SLA2: variants seen among roughly 807,000 people sequenced by gnomAD.
The protein encoded by SLA2 is Src like adaptor 2, also known as src-like-adapter 2.
Under a neutral mutation model 27.3 loss-of-function variants are expected in SLA2, and 22 were observed. The observed-to-expected ratio is 0.81, with a 90% CI of 0.58 to 1.15. SLA2 has a LOEUF of 1.15. SLA2 is among the 50% of genes most tolerant of loss of function. The pLI is 0.00. For missense variants in SLA2, 304 were observed against 322.2 expected, an observed-to-expected ratio of 0.94 and a Z score of 0.43; for synonymous variants, 131 against 137.8, an observed-to-expected ratio of 0.95 and a Z score of 0.34.
chr20:36,620,170 C>G, intron 5 of SLA2, among the ~76,000 whole-genome samples: 1 of 150,956 alleles, frequency 6.6e-6, no homozygotes, highest in East Asian at 2.0e-4. Flanking sequence ...GCGGGCAGAT[C>G]ACGAGGTCAG....
intron 5 of SLA2, among the ~76,000 whole-genome samples, chr20:36,622,138 A>G (rs1331775811): frequency 6.6e-6 from 1 of 151,058 alleles, no homozygotes; most frequent in Non-Finnish European, 1.5e-5. Flanking sequence ...TGGCCAACCC[A>G]TGGTGGAAGT....
intron 5 of SLA2, chr20:36,621,371 G>A (rs2039280116): frequency 6.7e-6 from 4 of 600,866 alleles, no homozygotes; most frequent in South Asian, 5.6e-5. Context: ...CCCTATGGTG[G>A]TGCTTATGGA....
rs1216371216 is a variant in SLA2 at position 36,613,270 on chromosome 20, G to A, written c.*596C>T. ...GTTGTCCTCAATGGGGGACATTTGA[G>A]GACCTAGACTGTCCGAAGTCTTTCT... On this transcript the variant is annotated 3_prime_UTR_variant, in exon 8 of 8. Transcript: ENST00000262866. The A allele has an allele frequency of 6.6e-6, 1 of 152,282 alleles. No homozygotes were observed. Among genetic ancestry groups the A allele is most frequent in the African/African-American group, 2.4e-5 (1 of 41,446 alleles). The allele number at this position is 152,282 out of a possible 1,614,324, so 9.4% of individuals were successfully genotyped here. A position where few individuals can be genotyped will look rare whatever the true frequency, so the allele number is the denominator to read the frequency against.
At chr20:36,632,171 C>G (rs1011497728) in intron 5 of SLA2, among the ~76,000 whole-genome samples, 1 of 152,098 alleles carries the variant, frequency 6.6e-6, no homozygotes, top group Non-Finnish European at 1.5e-5. Context: ...CTTCTCAGCT[C>G]GGCATCCAAG....
chr20:36,639,306 T>C lies in SLA2; in HGVS notation c.91+1939A>G, dbSNP rs150313859. 7.7e-3 allele frequency among the ~76,000 whole-genome samples: 1,176 copies of C among 152,212 alleles called. 8 individuals carry two copies. The highest frequency in any genetic ancestry group is 0.013 in the Non-Finnish European group (860 of 68,020). On this transcript the variant is annotated intron_variant, in intron 2 of 7. Transcript: ENST00000262866. ...CTGTGGTCAACTCAGGACTGCAGCA[T>C]CAGCTTTTCCCTGGGTCTCCAGTCT... is the stretch of plus-strand genomic sequence containing the variant.
Position 36,612,417 on chromosome 20 carries a change from A to G in SLA2, c.*1449T>C, listed in dbSNP as rs1342402147. ...TCTCCATCGGGTGTAGAGTTTTTAA[A>G]CTATCAATGGCATTTCAAGTCTTCT... On this transcript the variant is annotated 3_prime_UTR_variant, in exon 8 of 8. Transcript: ENST00000262866. 1 of 623,764 alleles carries G rather than the reference A, an allele frequency of 1.6e-6. No individual in the cohort carries two copies. The highest frequency in any genetic ancestry group is 2.8e-6 in the Non-Finnish European group (1 of 356,714). 38.6% of individuals were successfully genotyped at this position (623,764 alleles called of 1,614,324 possible). A position where few individuals can be genotyped will look rare whatever the true frequency, so the allele number is the denominator to read the frequency against.
chr20:36,627,477 A>G (rs1165901536), intron 5 of SLA2, among the ~76,000 whole-genome samples: 1 of 152,220 alleles, frequency 6.6e-6, no homozygotes, highest in Non-Finnish European at 1.5e-5. Flanking sequence ...GACAAAAGCC[A>G]TGACTTAGCA....
At chr20:36,626,357 A>C (rs956699354) in intron 5 of SLA2, among the ~76,000 whole-genome samples, 1 of 151,102 alleles carries the variant, frequency 6.6e-6, no homozygotes, top group Non-Finnish European at 1.5e-5. Context: ...GTGCCACTGC[A>C]CTCCAGCCCA....
intron 2 of SLA2, among the ~76,000 whole-genome samples, chr20:36,637,923 C>G (rs2039469389): frequency 7.1e-6 from 1 of 140,200 alleles, no homozygotes; most frequent in Non-Finnish European, 1.5e-5. Context: ...GAGTCTCACA[C>G]TGTCGCCCGG....
chr20:36,638,079 G>C (rs887676444), intron 2 of SLA2, among the ~76,000 whole-genome samples: 1 of 151,554 alleles, frequency 6.6e-6, no homozygotes, highest in African/African-American at 2.4e-5. Flanking sequence ...TTTTAGTAGA[G>C]ACGGGGTTTC....
intron 5 of SLA2, among the ~76,000 whole-genome samples, chr20:36,629,060 T>C (rs1241444735): frequency 1.3e-5 from 2 of 150,734 alleles, no homozygotes; most frequent in Non-Finnish European, 2.9e-5. Flanking sequence ...CCGGTAATTA[T>C]GAGGATTTTT....
chr20:36,645,240 G>A (rs1478025389), intron 1 of SLA2, among the ~76,000 whole-genome samples: 1 of 143,466 alleles, frequency 7.0e-6, no homozygotes, highest in African/African-American at 2.6e-5. Flanking sequence ...GGTGGTACAT[G>A]CCTGTAGTCT....
chr20:36,641,480 GTGAATGAC>G, intron 1 of SLA2, 102 bp from the exon 2 acceptor site: 1 of 617,542 alleles, frequency 1.6e-6, no homozygotes, highest in South Asian at 1.9e-5. Flanking sequence ...CACAGAGCAT[GTGAATGAC>G]CTCCCTCCTG....
chr20:36,615,495 G>A (rs2039199446), intron 5 of SLA2, 121 bp from the exon 6 acceptor site: 2 of 1,059,714 alleles, frequency 1.9e-6, no homozygotes, highest in African/African-American at 1.6e-5. Context: ...AGTGTCTGGG[G>A]CAGAAGCAGG....
At chr20:36,621,376 T>A (rs1451581091) in intron 5 of SLA2, 1 of 595,038 alleles carries the variant, frequency 1.7e-6, no homozygotes, top group Non-Finnish European at 3.2e-6. Context: ...TGGTGGTGCT[T>A]ATGGATGTGG....
chr20:36,614,960 A>C lies in SLA2; in HGVS notation c.532+265T>G, dbSNP rs530810966. The C allele has an allele frequency of 4.1e-6, 4 of 985,382 alleles. No homozygotes were observed. The African/African-American group carries it at 7.0e-5, about 17-fold the overall frequency. The allele number at this position is 985,382 out of a possible 1,614,324, so 61.0% of individuals were successfully genotyped here. ...TGTGGAGAGAACTCTGCCTGCTGCC[A>C]GGGGCTCTGAGTCAGAACCAGAGTG... On this transcript the variant is annotated intron_variant, in intron 6 of 7. Coordinates refer to ENST00000262866, the MANE Select transcript of SLA2 (RefSeq NM_032214.4).
intron 5 of SLA2, among the ~76,000 whole-genome samples, chr20:36,631,607 C>T (rs978103192): frequency 1.3e-5 from 2 of 152,226 alleles, no homozygotes; most frequent in South Asian, 4.1e-4. Context: ...TCATATCACA[C>T]TTGGCTCTTG....
intron 5 of SLA2, among the ~76,000 whole-genome samples, chr20:36,624,642 T>C (rs1410762637): frequency 2.0e-5 from 3 of 152,138 alleles, no homozygotes. Flanking sequence ...TTACAAGCAG[T>C]TTTAAGGAGA....
At chr20:36,628,698 A>C (rs1195059145) in intron 5 of SLA2, among the ~76,000 whole-genome samples, 1 of 151,970 alleles carries the variant, frequency 6.6e-6, no homozygotes, top group Admixed American at 6.6e-5. Flanking sequence ...CGCACATGCC[A>C]CCACACCTAG....
Sources: allele counts gnomAD v4.1 joint callset (sites outside exome capture counted in the v4.1 genomes callset), GRCh38; gene constraint gnomAD v4.1.1; transcripts MANE v1.5; gene names NCBI Gene and HGNC (gene_info 2026-07-23, HGNC 2026-07-21).